The following ATXN1 variants were observed in gnomAD, a reference collection of about 807,000 sequenced individuals.
The protein encoded by ATXN1 is ataxin-1.
In ATXN1, 8 loss-of-function variants were observed where a neutral mutation model predicts 56.4. The observed-to-expected ratio is 0.14, with a 90% confidence interval of 0.08 to 0.26. The LOEUF is 0.26. ATXN1 is among the 10% of genes least tolerant of loss of function. ATXN1 has a pLI of 1.00. For missense variants in ATXN1, 987 were observed against 1,106.5 expected (o/e 0.89, Z 1.53); for synonymous variants, 514 against 494.6 (o/e 1.04, Z -0.52).
intron 2 of ATXN1, among the ~76,000 whole-genome samples, chr6:16,671,467 TA>T (rs1758541033): frequency 6.6e-6 from 1 of 152,186 alleles, no homozygotes; most frequent in Non-Finnish European, 1.5e-5. Flanking sequence ...TTTTGAACTC[TA>T]AGTGTCTATT....
chr6:16,747,091 T>C (rs762075139), intron 2 of ATXN1, among the ~76,000 whole-genome samples: 7 of 152,192 alleles, frequency 4.6e-5, no homozygotes, highest in Admixed American at 1.3e-4. Flanking sequence ...TTTGAAACCA[T>C]ATTTTCAAAA....
intron 4 of ATXN1, among the ~76,000 whole-genome samples, chr6:16,524,832 C>A (rs1051208723): frequency 6.6e-6 from 1 of 152,142 alleles, no homozygotes; most frequent in Non-Finnish European, 1.5e-5. Context: ...CCAGGTGGAT[C>A]ACCTGAAGTC....
chr6:16,334,710 C>T (rs1761078158), intron 6 of ATXN1, among the ~76,000 whole-genome samples: 1 of 152,210 alleles, frequency 6.6e-6, no homozygotes, highest in South Asian at 2.1e-4. Context: ...AAGCAAGACC[C>T]TGTCTCAAGA....
At chr6:16,594,672 G>A (rs1561770889) in intron 3 of ATXN1, among the ~76,000 whole-genome samples, 3 of 151,956 alleles carry the variant, frequency 2.0e-5, no homozygotes, top group African/African-American at 7.3e-5. Context: ...TAGAAGAGAC[G>A]AGGTTTCACT....
At chr6:16,567,486 T>C (rs1015721696) in intron 4 of ATXN1, among the ~76,000 whole-genome samples, 2 of 152,162 alleles carry the variant, frequency 1.3e-5, no homozygotes, top group African/African-American at 4.8e-5. Flanking sequence ...CAAGGGTGCA[T>C]GTGTGAGGGG....
At chr6:16,618,833 C>G (rs1296651906) in intron 3 of ATXN1, among the ~76,000 whole-genome samples, 1 of 149,148 alleles carries the variant, frequency 6.7e-6, no homozygotes, top group Non-Finnish European at 1.5e-5. Flanking sequence ...AAATAAAAAT[C>G]AACGTAAGTA....
chr6:16,564,181 T>A (rs534498296), intron 4 of ATXN1, among the ~76,000 whole-genome samples: 1 of 152,310 alleles, frequency 6.6e-6, no homozygotes, highest in Non-Finnish European at 1.5e-5. Flanking sequence ...CGCCTGGGCA[T>A]TCATACTTAG....
At chr6:16,665,033 G>T (rs1581345134) in intron 2 of ATXN1, among the ~76,000 whole-genome samples, 1 of 152,088 alleles carries the variant, frequency 6.6e-6, no homozygotes, top group African/African-American at 2.4e-5. Flanking sequence ...TCTCTTTAAT[G>T]CCTGGCTTAA....
At position 16,690,162 on chromosome 6, in the gene ATXN1, T is replaced by C. The variant is rs80157586; in HGVS notation, c.-614-32261A>G. 7.2e-4 allele frequency among the ~76,000 whole-genome samples: 110 copies of C among 152,238 alleles called. 2 individuals carry two copies. The East Asian group carries it at 0.018, about 25-fold the overall frequency. ...TTGGCCTTGAACTCCTCTGCTCAAG[T>C]GACCCTTTGGCTGGGACTGCATGAG... On this transcript the variant is annotated intron_variant, in intron 2 of 7. Coordinates refer to ENST00000436367, the MANE Select transcript of ATXN1 (RefSeq NM_001128164.2).
intron 7 of ATXN1, among the ~76,000 whole-genome samples, chr6:16,307,749 CCTT>C (rs1416874530): frequency 6.6e-6 from 1 of 152,022 alleles, no homozygotes; most frequent in Non-Finnish European, 1.5e-5. Flanking sequence ...GACCAACCCT[CCTT>C]CTGAGGACAA....
rs1758782940 is a variant in ATXN1, at chr6:16,410,877, C to T, written c.-161+75095G>A. Among the ~76,000 whole-genome samples the T allele has an allele frequency of 6.6e-6, 1 of 152,142 alleles. No homozygotes were observed. The highest frequency in any genetic ancestry group is 1.5e-5 in the Non-Finnish European group (1 of 68,022). ...CAGTGGCTCACGCCTGTAATCCCAG[C>T]TCTTTGGGAGGCCAATGCAGGCGGA... On this transcript the variant is annotated intron_variant, in intron 6 of 7. Transcript: ENST00000436367. This position sits in a 1 kb window ranked among gnomAD's most constrained non-coding sequence, Gnocchi z 4.6.
chr6:16,458,403 C>G (rs999842254), intron 6 of ATXN1, among the ~76,000 whole-genome samples: 13 of 152,252 alleles, frequency 8.5e-5, no homozygotes, highest in Admixed American at 3.9e-4. Flanking sequence ...AGAAAATATA[C>G]TCCCCTGTCA....
intron 6 of ATXN1, among the ~76,000 whole-genome samples, chr6:16,467,764 A>T (rs1365619435): frequency 6.6e-6 from 1 of 152,228 alleles, no homozygotes; most frequent in Non-Finnish European, 1.5e-5. Context: ...GAGTATGAAA[A>T]AGTCAGAAAG....
intron 3 of ATXN1, among the ~76,000 whole-genome samples, chr6:16,613,619 T>C (rs146353713): frequency 0.014 from 2,173 of 152,024 alleles, 23 homozygotes; most frequent in African/African-American, 0.03. Flanking sequence ...AGGCAGGAGT[T>C]TGAGACCAGC....
intron 2 of ATXN1, among the ~76,000 whole-genome samples, chr6:16,707,004 A>G (rs1438962576): frequency 6.6e-6 from 1 of 152,082 alleles, no homozygotes; most frequent in Non-Finnish European, 1.5e-5. Flanking sequence ...TGTCACCTAA[A>G]TGTCTCATTG....
intron 4 of ATXN1, among the ~76,000 whole-genome samples, chr6:16,542,682 G>A (rs1761737743): frequency 6.6e-6 from 1 of 152,190 alleles, no homozygotes; most frequent in Admixed American, 6.5e-5. Flanking sequence ...TCAAAAGACA[G>A]TTGTCCTCCC....
At chr6:16,743,191 T>C (rs553955264) in intron 2 of ATXN1, among the ~76,000 whole-genome samples, 1 of 152,374 alleles carries the variant, frequency 6.6e-6, no homozygotes, top group South Asian at 2.1e-4. Flanking sequence ...ATTTCAATAA[T>C]AATAGTGTTT....
At chr6:16,629,135 G>A (rs994966354) in intron 3 of ATXN1, among the ~76,000 whole-genome samples, 1 of 152,012 alleles carries the variant, frequency 6.6e-6, no homozygotes, top group Admixed American at 6.6e-5. Context: ...GCATCCAACT[G>A]GTTATTTTTT....
intron 4 of ATXN1, among the ~76,000 whole-genome samples, chr6:16,543,272 C>T (rs1761750293): frequency 6.6e-6 from 1 of 152,194 alleles, no homozygotes; most frequent in Non-Finnish European, 1.5e-5. Context: ...AGCACCACCA[C>T]TTTCCTTATA....
Sources: allele counts gnomAD v4.1 joint callset (sites outside exome capture counted in the v4.1 genomes callset), GRCh38; gene constraint gnomAD v4.1.1; non-coding constraint Gnocchi (gnomAD v3.1); transcripts MANE v1.5; gene names NCBI Gene and HGNC (gene_info 2026-07-23, HGNC 2026-07-21).